MICAL2: variants seen among roughly 807,000 people sequenced by gnomAD.
MICAL2 encodes [F-actin]-monooxygenase MICAL2.
In MICAL2, 77 loss-of-function variants were observed where a neutral mutation model predicts 127.3. The ratio of observed to expected loss-of-function variants is 0.60; its 90% CI spans 0.50 to 0.73. The LOEUF is 0.73. Ranked by LOEUF, MICAL2 falls within the 30% of genes least tolerant of loss-of-function variation. The probability of loss-of-function intolerance (pLI) is 0.00; values close to 1 mark genes in which losing one functional copy is unlikely to be tolerated. For synonymous variants in MICAL2, 570 were observed against 551.1 expected, an observed-to-expected ratio of 1.03 and a Z score of -0.48; for missense variants, 1,351 against 1,434.4, an observed-to-expected ratio of 0.94 and a Z score of 0.94.
chr11:12,246,409 C>T (rs1486616674), intron 21 of MICAL2, among the ~76,000 whole-genome samples: 1 of 152,218 alleles, frequency 6.6e-6, no homozygotes, highest in Admixed American at 6.5e-5. Flanking sequence ...GGCCATTTGC[C>T]ACGCTGGTGA....
Position 12,350,840 on chromosome 11 carries a change from C to G in MICAL2, c.5615+903C>G, listed in dbSNP as rs138216899. Among the ~76,000 whole-genome samples the G allele has an allele frequency of 2.0e-3, 308 of 152,288 alleles. 1 individual carries two copies. The highest frequency in any genetic ancestry group is 6.9e-3 in the African/African-American group (286 of 41,574). On this transcript the variant is annotated intron_variant, in intron 33 of 34. Transcript: ENST00000646065. ...GGATGGCTTACAACAGAAATTTATT[C>G]TCTCACTGTCTGGAAGCCAGAAGTT...
At chr11:12,222,038 G>A (rs1257492869) in intron 10 of MICAL2, among the ~76,000 whole-genome samples, 1 of 152,196 alleles carries the variant, frequency 6.6e-6, no homozygotes, top group Non-Finnish European at 1.5e-5. Context: ...GGGCTCCCCA[G>A]CATTGCTCAT....
chr11:12,289,311 T>C (rs1863864404), downstream of MICAL2, among the ~76,000 whole-genome samples: 1 of 152,202 alleles, frequency 6.6e-6, no homozygotes. Flanking sequence ...CGGTGGGCCA[T>C]ACCAAGGTTT....
At chr11:12,170,647 T>C (rs1257304747) in intron 3 of MICAL2, among the ~76,000 whole-genome samples, 1 of 152,168 alleles carries the variant, frequency 6.6e-6, no homozygotes, top group Non-Finnish European at 1.5e-5. Context: ...GGCTAACTTG[T>C]TCTCTTTATG....
intron 1 of MICAL2, among the ~76,000 whole-genome samples, chr11:12,125,792 G>A (rs1424381896): frequency 6.6e-6 from 1 of 152,260 alleles, no homozygotes; most frequent in Non-Finnish European, 1.5e-5. Context: ...GATGGGGACA[G>A]GAGTAGGAGG....
intron 1 of MICAL2, among the ~76,000 whole-genome samples, chr11:12,126,875 A>G (rs1021284585): frequency 6.6e-6 from 1 of 151,978 alleles, no homozygotes; most frequent in African/African-American, 2.4e-5. Flanking sequence ...AGCTTCCTGG[A>G]GGAGGGAGCA....
At chr11:12,234,445 G>A (rs1053827040) in intron 15 of MICAL2, among the ~76,000 whole-genome samples, 1 of 152,166 alleles carries the variant, frequency 6.6e-6, no homozygotes, top group African/African-American at 2.4e-5. Flanking sequence ...CAGACAGCCT[G>A]TTCCTCTAAG....
At chr11:12,159,256 G>A (rs1259829210) in intron 2 of MICAL2, among the ~76,000 whole-genome samples, 1 of 152,302 alleles carries the variant, frequency 6.6e-6, no homozygotes, top group African/African-American at 2.4e-5. Context: ...GGGTGCGGAG[G>A]AGACAGCTTC....
rs920844855 is a variant in MICAL2 at position 12,340,019 on chromosome 11, G to A, written c.5516-9819G>A. On this transcript the variant is annotated intron_variant, in intron 32 of 34. Coordinates refer to the MICAL2 transcript ENST00000646065. ...ACCCATCTTCTGCGTCGCTCACGCT[G>A]GGAGCTATAGACTGGAGCTGTTCCA... 2.6e-5 allele frequency among the ~76,000 whole-genome samples: 4 copies of A among 152,192 alleles called. No individual in the cohort carries two copies. The East Asian group carries it at 5.8e-4, about 22-fold the overall frequency.
At chr11:12,243,398 A>G (rs894784765) in intron 20 of MICAL2, 4 of 153,620 alleles carry the variant, frequency 2.6e-5, no homozygotes, top group Admixed American at 1.9e-4. Context: ...ATGAGATCCT[A>G]CAGGTGGGTG....
rs572694596 is a variant in MICAL2, at chr11:12,237,408, T to C, written c.2064+1163T>C. On this transcript the variant is annotated intron_variant, in intron 16 of 27. Coordinates refer to ENST00000683283, the MANE Select transcript of MICAL2 (RefSeq NM_001282663.2). ...AGAGGAAGCGGAGACTGCACAAGGCTACAGACACATTCCATTTCCCAGATT... is the reference window on the plus strand; with the variant it reads ...AGAGGAAGCGGAGACTGCACAAGGCCACAGACACATTCCATTTCCCAGATT... Among the ~76,000 whole-genome samples the C allele has an allele frequency of 8.5e-5, 13 of 152,288 alleles. No homozygotes were observed. In the South Asian group the frequency reaches 2.7e-3, roughly 32 times the overall value.
chr11:12,262,760 C>G, intron 27 of MICAL2: 2 of 529,594 alleles, frequency 3.8e-6, no homozygotes, highest in South Asian at 2.3e-5. Flanking sequence ...CTGGTCTACC[C>G]CAAGTGCATG....
intron 24 of MICAL2, among the ~76,000 whole-genome samples, chr11:12,270,614 T>C (rs1015231661): frequency 2.3e-4 from 35 of 152,228 alleles, no homozygotes; most frequent in Admixed American, 1.1e-3. Flanking sequence ...TCATTTCCTG[T>C]CTGGATGCTT....
In MICAL2 at chr11:12,200,766, A is replaced by G. The variant is rs139570850; in HGVS notation, c.265-3484A>G. Among the ~76,000 whole-genome samples the G allele has an allele frequency of 6.7e-3, 1,007 of 149,950 alleles. 15 individuals carry two copies. Among genetic ancestry groups the G allele is most frequent in the African/African-American group, 0.024 (962 of 39,302 alleles). The stretch of plus-strand genomic sequence containing the variant: ...TTAGGTTTAGCCAAGAGAATCAGAA[A>G]CTGTACACCAGCTACTGTTTGCGTG... On this transcript the variant is annotated intron_variant, in intron 3 of 27. Coordinates refer to ENST00000683283, the MANE Select transcript of MICAL2 (RefSeq NM_001282663.2).
Position 12,306,364 on chromosome 11 carries a change from T to C in MICAL2, c.5212+11507T>C, listed in dbSNP as rs530178313. The stretch of plus-strand genomic sequence containing the variant: ...TACACTATATTTCATTGTGGGAATA[T>C]ACAGTGATTTATCTGTCGGTTCTGT... On this transcript the variant is annotated intron_variant, in intron 29 of 34. Transcript: ENST00000646065. 4.6e-5 allele frequency among the ~76,000 whole-genome samples: 7 copies of C among 152,306 alleles called. No individual in the cohort carries two copies. The South Asian group carries it at 1.2e-3, about 27-fold the overall frequency.
intron 29 of MICAL2, among the ~76,000 whole-genome samples, chr11:12,297,428 T>G (rs1863999460): frequency 6.6e-6 from 1 of 152,114 alleles, no homozygotes; most frequent in Non-Finnish European, 1.5e-5. Context: ...AATTTAACCC[T>G]TTTTTGTAAT....
chr11:12,324,388 C>A (rs1864333472), intron 31 of MICAL2, among the ~76,000 whole-genome samples: 1 of 152,228 alleles, frequency 6.6e-6, no homozygotes, highest in Non-Finnish European at 1.5e-5. Context: ...TAGCAGTGAA[C>A]TTAGTTTTGT....
Position 12,329,488 on chromosome 11 carries a change from G to T in MICAL2, c.5515+2222G>T, listed in dbSNP as rs540183281. ...CCAAGAGGTGGCATGGTGGGAAGTGGGGAGCTGTGGGCGCCAATAAGCCAA... is the reference window on the plus strand; with the variant it reads ...CCAAGAGGTGGCATGGTGGGAAGTGTGGAGCTGTGGGCGCCAATAAGCCAA... On this transcript the variant is annotated intron_variant, in intron 32 of 34. Coordinates refer to the MICAL2 transcript ENST00000646065. Among the ~76,000 whole-genome samples, 5 of 152,310 alleles carry T rather than the reference G, an allele frequency of 3.3e-5. No individual in the cohort carries two copies. The East Asian group carries it at 9.7e-4, about 29-fold the overall frequency.
chr11:12,173,821 T>C (rs1856546936), intron 3 of MICAL2, among the ~76,000 whole-genome samples: 1 of 152,230 alleles, frequency 6.6e-6, no homozygotes, highest in African/African-American at 2.4e-5. Context: ...TTATTTCACT[T>C]AGCATAATAT....
Sources: allele counts gnomAD v4.1 joint callset (sites outside exome capture counted in the v4.1 genomes callset), GRCh38; gene constraint gnomAD v4.1.1; transcripts MANE v1.5; gene names NCBI Gene and HGNC (gene_info 2026-07-23, HGNC 2026-07-21).